Variants in JARID2 observed in about 807,000 individuals in gnomAD.
The protein encoded by JARID2 is protein Jumonji.
JARID2 carries 21 observed loss-of-function variants against 125.6 expected under a neutral mutation model. The ratio of observed to expected loss-of-function variants is 0.17; its 90% CI spans 0.12 to 0.24. JARID2 has a LOEUF of 0.24. Among genes scored for constraint, JARID2 ranks in the 10% least tolerant of loss-of-function variants. JARID2 has a pLI of 1.00. For synonymous variants in JARID2, 736 were observed against 661.6 expected (o/e 1.11, Z -1.73); for missense variants, 1,303 against 1,639.6 (o/e 0.79, Z 3.55).
chr6:15,275,821 C>T (rs1426980329), intron 1 of JARID2, among the ~76,000 whole-genome samples: 2 of 152,052 alleles, frequency 1.3e-5, no homozygotes, highest in Non-Finnish European at 2.9e-5. Context: ...GCTTGTGTCA[C>T]TGCTACAGGG....
At chr6:15,294,029 C>G (rs1293697571) in intron 1 of JARID2, among the ~76,000 whole-genome samples, 1 of 152,176 alleles carries the variant, frequency 6.6e-6, no homozygotes, top group Non-Finnish European at 1.5e-5. Flanking sequence ...ACTCCTATGC[C>G]AAGTTGCAGT....
intron 2 of JARID2, among the ~76,000 whole-genome samples, chr6:15,377,674 A>C (rs114672192): frequency 0.014 from 2,158 of 152,086 alleles, 20 homozygotes; most frequent in Non-Finnish European, 0.022. Flanking sequence ...TAATAATAAT[A>C]AATTAGCCAG....
intron 2 of JARID2, among the ~76,000 whole-genome samples, chr6:15,385,051 A>G (rs563389209): frequency 6.6e-6 from 1 of 152,300 alleles, no homozygotes; most frequent in South Asian, 2.1e-4. Flanking sequence ...AATGCAAATG[A>G]GGCTGTGCTA....
intron 6 of JARID2, among the ~76,000 whole-genome samples, chr6:15,493,225 G>A (rs535338963): frequency 5.3e-5 from 8 of 152,208 alleles, no homozygotes; most frequent in African/African-American, 1.9e-4. Flanking sequence ...TAGGGTCCAC[G>A]GATTTGTGGG....
At chr6:15,307,594 TG>T (rs1318934245) in intron 1 of JARID2, among the ~76,000 whole-genome samples, 2 of 152,176 alleles carry the variant, frequency 1.3e-5, no homozygotes, top group Non-Finnish European at 2.9e-5. Flanking sequence ...GATGGGGTTG[TG>T]GTTCTTCTCC....
chr6:15,421,140 C>A (rs2127587664), intron 3 of JARID2, among the ~76,000 whole-genome samples: 1 of 152,244 alleles, frequency 6.6e-6, no homozygotes, highest in Non-Finnish European at 1.5e-5. Flanking sequence ...GTAACTGCTG[C>A]AGCCTGGACA....
intron 3 of JARID2, among the ~76,000 whole-genome samples, chr6:15,443,840 G>C (rs768058726): frequency 3.9e-5 from 6 of 152,008 alleles, no homozygotes; most frequent in Non-Finnish European, 7.4e-5. Context: ...TGACAAGTTA[G>C]GTGAACTAAA....
chr6:15,410,546 A>G (rs975583412), intron 3 of JARID2, among the ~76,000 whole-genome samples, 181 bp downstream of exon 3: 2 of 152,302 alleles, frequency 1.3e-5, no homozygotes, highest in South Asian at 4.1e-4. Flanking sequence ...AATAATTATA[A>G]TTAAAAACGG....
intron 12 of JARID2, 90 bp from the exon 13 acceptor site, chr6:15,511,206 C>A (rs1305385306): frequency 2.3e-6 from 2 of 856,226 alleles, no homozygotes; most frequent in South Asian, 1.4e-5. Flanking sequence ...CTCGTGTGCT[C>A]GGGTCCCTGA....
At chr6:15,512,468 C>G in intron 14 of JARID2, 78 bp downstream of exon 14, 7 of 1,307,334 alleles carry the variant, frequency 5.4e-6, no homozygotes, top group Non-Finnish European at 7.7e-6. Context: ...ACAGAAGCAT[C>G]CCTGCGTGTG....
At chr6:15,329,190 T>G (rs1302977696) in intron 1 of JARID2, among the ~76,000 whole-genome samples, 3 of 52,782 alleles carry the variant, frequency 5.7e-5, no homozygotes, top group Non-Finnish European at 8.4e-5. Flanking sequence ...TTTTTTTTTT[T>G]TGGGGGATTA....
At chr6:15,497,349 C>T (rs1284008940) in intron 7 of JARID2, among the ~76,000 whole-genome samples, 179 bp downstream of exon 7, 4 of 152,166 alleles carry the variant, frequency 2.6e-5, no homozygotes, top group Non-Finnish European at 4.4e-5. Flanking sequence ...AGGTCCTGGG[C>T]GTTGGTGGCA....
chr6:15,497,182 C>T lies in JARID2; in HGVS notation c.1945+12C>T, dbSNP rs761716631. 6.1e-5 allele frequency: 93 copies of T among 1,528,088 alleles called. No individual in the cohort carries two copies. The South Asian group carries it at 6.6e-4, about 11-fold the overall frequency. The allele number at this position is 1,528,088 out of a possible 1,614,324, so 94.7% of individuals were successfully genotyped here. A position where few individuals can be genotyped will look rare whatever the true frequency, so the allele number is the denominator to read the frequency against. On this transcript the variant is annotated intron_variant, in intron 7 of 17. Coordinates refer to ENST00000341776, the MANE Select transcript of JARID2 (RefSeq NM_004973.4). ...GCTCCCGCTCATAGGTAGGTCTGGG[C>T]GGGGGGTCAGGGGGTGGTGCCTGCC...
chr6:15,379,565 C>T (rs2127524826), intron 2 of JARID2, among the ~76,000 whole-genome samples: 1 of 152,268 alleles, frequency 6.6e-6, no homozygotes, highest in Non-Finnish European at 1.5e-5. Flanking sequence ...TAAATGTCAT[C>T]TTAGATCAAG....
intron 6 of JARID2, among the ~76,000 whole-genome samples, chr6:15,488,251 G>T (rs1317430284): frequency 6.6e-6 from 1 of 152,210 alleles, no homozygotes; most frequent in East Asian, 1.9e-4. Context: ...CTGTCCAGAT[G>T]TTCCCATTCC....
chr6:15,498,442 A>T (rs1363292006), intron 7 of JARID2, among the ~76,000 whole-genome samples: 13 of 152,102 alleles, frequency 8.5e-5, no homozygotes, highest in Admixed American at 8.5e-4. Flanking sequence ...CAGTCCTGCC[A>T]CTGGGGACAC....
At chr6:15,440,903 T>C (rs1375844743) in intron 3 of JARID2, among the ~76,000 whole-genome samples, 3 of 152,252 alleles carry the variant, frequency 2.0e-5, no homozygotes, top group South Asian at 2.1e-4. Flanking sequence ...GTGTCAGTTA[T>C]AGTGAATCCT....
rs1407002976 is a variant in JARID2 at position 15,274,890 on chromosome 6, T to G, written c.45+28306T>G. On this transcript the variant is annotated intron_variant, in intron 1 of 17. Coordinates refer to ENST00000341776, the MANE Select transcript of JARID2 (RefSeq NM_004973.4). ...GATGGTCTAAAGCTCCACCTGCAGT[T>G]AGAAAGAAGCTGGTCAGCCTTCTGG... is the stretch of plus-strand genomic sequence containing the variant. Among the ~76,000 whole-genome samples, 5 of 152,212 alleles carry G rather than the reference T, an allele frequency of 3.3e-5. No individual in the cohort carries two copies. The East Asian group carries it at 9.6e-4, about 29-fold the overall frequency.
rs749697172 is a variant in JARID2 at position 15,522,009 on chromosome 6, CAA to C, written c.*1760_*1761del. 2.6e-5 allele frequency: 4 copies of C among 152,184 alleles called. No homozygotes were observed. Among genetic ancestry groups the C allele is most frequent in the Admixed American group, 1.3e-4 (2 of 15,292 alleles). The allele number at this position is 152,184 out of a possible 1,614,324, so 9.4% of individuals were successfully genotyped here. A position where few individuals can be genotyped will look rare whatever the true frequency, so the allele number is the denominator to read the frequency against. ...GTACTACAAGGTTTAATAATAAAAA[CAA>C]AGTTTTTTGGACATTTGTCTGTCTT... On this transcript the variant is annotated 3_prime_UTR_variant, in exon 18 of 18. Coordinates refer to ENST00000341776, the MANE Select transcript of JARID2 (RefSeq NM_004973.4).
Sources: gnomAD v4.1 joint callset for allele counts (sites outside exome capture counted in the v4.1 genomes callset) on GRCh38, gnomAD v4.1.1 for gene constraint, MANE v1.5 for transcripts, NCBI Gene and HGNC (gene_info 2026-07-23, HGNC 2026-07-21) for gene names.